Variants in APOLD1 observed in about 807,000 individuals in gnomAD.
The protein encoded by APOLD1 is apolipoprotein L domain-containing protein 1.
APOLD1 carries 22 observed loss-of-function variants against 15.3 expected under a neutral mutation model. The observed-to-expected ratio is 1.44, with a 90% confidence interval of 1.03 to 2.05. APOLD1 has a LOEUF of 2.05. Ranked by LOEUF, APOLD1 falls within the 30% of genes most tolerant of loss-of-function variation. The pLI is 0.00. For synonymous variants in APOLD1, 190 were observed against 167.4 expected, an observed-to-expected ratio of 1.13 and a Z score of -1.04; for missense variants, 394 against 353.5, an observed-to-expected ratio of 1.11 and a Z score of -0.92.
At chr12:12,730,026 T>TTGTGTG (rs749843349) in intron 1 of APOLD1, among the ~76,000 whole-genome samples, 2 of 117,738 alleles carry the variant, frequency 1.7e-5, no homozygotes, top group African/African-American at 6.8e-5. Flanking sequence ...CCAGCTAACT[T>TTGTGTG]TGTGTGTGTG....
chr12:12,735,215 A>T (rs566334364), intron 1 of APOLD1, among the ~76,000 whole-genome samples: 1 of 151,956 alleles, frequency 6.6e-6, no homozygotes, highest in East Asian at 1.9e-4. Context: ...ACAGAACAAG[A>T]CCCCATCTCT....
chr12:12,759,594 C>T (rs1424477098), intron 1 of APOLD1, among the ~76,000 whole-genome samples: 1 of 152,214 alleles, frequency 6.6e-6, no homozygotes, highest in Non-Finnish European at 1.5e-5. Flanking sequence ...ATTTATCGCA[C>T]TTCCTACAAG....
intron 1 of APOLD1, among the ~76,000 whole-genome samples, chr12:12,754,961 C>T (rs1245690106): frequency 1.3e-5 from 2 of 151,462 alleles, no homozygotes; most frequent in African/African-American, 2.4e-5. Flanking sequence ...GTGGGAGGAT[C>T]GTTTGAGCCC....
At chr12:12,726,981 A>C (rs1946598742) in intron 1 of APOLD1, among the ~76,000 whole-genome samples, 1 of 152,256 alleles carries the variant, frequency 6.6e-6, no homozygotes. Flanking sequence ...TGAGTCAAGC[A>C]CTAGTCTTGG....
Position 12,761,830 on chromosome 12 carries a change from TAGAGAG to T in APOLD1, c.97-25052_97-25047del, listed in dbSNP as rs6144616. On this transcript the variant is annotated intron_variant, in intron 1 of 1. Transcript: ENST00000326765. Reference sequence around the variant, plus strand: ...GAACATATACATATATGTATATGTATAGAGAGAGAGAGAGAGAGAGAGAGAGAGAGA... The same window carrying T: ...GAACATATACATATATGTATATGTATAGAGAGAGAGAGAGAGAGAGAGAGA... 6.2e-3 allele frequency among the ~76,000 whole-genome samples: 715 copies of T among 114,488 alleles called. 14 individuals carry two copies. The highest frequency in any genetic ancestry group is 0.022 in the African/African-American group (673 of 30,012). The allele number at this position is 114,488 out of a possible 152,430, so 75.1% of individuals were successfully genotyped here.
chr12:12,752,899 G>A (rs1469018324), intron 1 of APOLD1, among the ~76,000 whole-genome samples: 1 of 152,142 alleles, frequency 6.6e-6, no homozygotes, highest in Non-Finnish European at 1.5e-5. Context: ...TTCTCTATCT[G>A]TTTAGCCAGG....
chr12:12,774,568 A>G (rs1947015531), intron 1 of APOLD1, among the ~76,000 whole-genome samples: 1 of 141,684 alleles, frequency 7.1e-6, no homozygotes, highest in Admixed American at 6.9e-5. Flanking sequence ...AAAAAAAAAA[A>G]AAAAAAGAAA....
At chr12:12,730,065 TGTGTGTGTGTGTGAGAGAGA>T (rs1471780786) in intron 1 of APOLD1, among the ~76,000 whole-genome samples, 19 of 87,216 alleles carry the variant, frequency 2.2e-4, no homozygotes, top group African/African-American at 7.3e-4. Flanking sequence ...TGTGTGTGTG[TGTGTGTGTGTGTGAGAGAGA>T]GAGAGAGAGA....
intron 1 of APOLD1, among the ~76,000 whole-genome samples, chr12:12,754,214 G>GAAAAAAAA (rs1437482140): frequency 1.9e-5 from 1 of 53,144 alleles, no homozygotes. Context: ...AAAAAAAAAG[G>GAAAAAAAA]AAAAAGAAAA....
intron 1 of APOLD1, among the ~76,000 whole-genome samples, chr12:12,738,596 T>C (rs1489676632): frequency 6.6e-6 from 1 of 152,186 alleles, no homozygotes; most frequent in Admixed American, 6.5e-5. Context: ...TATGGTGCAC[T>C]GGGTATACTG....
upstream of APOLD1, among the ~76,000 whole-genome samples, chr12:12,781,526 CTTT>C (rs774609531): frequency 2.2e-5 from 3 of 138,826 alleles, no homozygotes; most frequent in African/African-American, 5.3e-5. Flanking sequence ...ATCACTTTAT[CTTT>C]TTTTTTTTTT....
At chr12:12,750,863 C>T (rs1946807987) in intron 1 of APOLD1, among the ~76,000 whole-genome samples, 1 of 152,020 alleles carries the variant, frequency 6.6e-6, no homozygotes. Context: ...CAGCCTTGAC[C>T]TCCTGGGCTG....
Position 12,787,022 on chromosome 12 carries a change from C to T in APOLD1, c.117C>T (p.Arg39=). Reference sequence around the variant, plus strand: ...TGCACGGCCAGGTGCTGCGCCTGCGCGAGGTGGCCCGGCGCCTGGAGCGCC... The same window carrying T: ...TGCACGGCCAGGTGCTGCGCCTGCGTGAGGTGGCCCGGCGCCTGGAGCGCC... ...GRLHGQVLRL[R]EVARRLERLR... The change falls in exon 2 of 2, where the codon CGC becomes CGT. Residue 39 remains arginine (R), a synonymous_variant. Transcript: ENST00000356591. The surrounding 1 kb of genome is among the most constrained non-coding windows in gnomAD (Gnocchi z 4.9). The T allele has an allele frequency of 7.2e-7, 1 of 1,382,176 alleles. No individual in the cohort carries two copies. The highest frequency in any genetic ancestry group is 9.3e-7 in the Non-Finnish European group (1 of 1,079,402). 85.6% of individuals were successfully genotyped at this position (1,382,176 alleles called of 1,614,324 possible).
chr12:12,779,768 T>G (rs1056440732), intron 1 of APOLD1, among the ~76,000 whole-genome samples: 2 of 152,168 alleles, frequency 1.3e-5, no homozygotes, highest in Admixed American at 6.5e-5. Flanking sequence ...TATGTCAACA[T>G]AGACAAGTGT....
upstream of APOLD1, among the ~76,000 whole-genome samples, chr12:12,781,135 T>C (rs910219410): frequency 5.3e-5 from 8 of 152,214 alleles, no homozygotes; most frequent in African/African-American, 9.6e-5. Flanking sequence ...TTATAGAATT[T>C]CTTCATTTTT....
chr12:12,758,089 T>C (rs1440726050), intron 1 of APOLD1, among the ~76,000 whole-genome samples: 1 of 136,682 alleles, frequency 7.3e-6, no homozygotes, highest in Non-Finnish European at 1.5e-5. Context: ...CCGTGATGCC[T>C]GGCTTTTTTT....
In APOLD1 at chr12:12,775,590, T is replaced by C. The variant is rs530411583; in HGVS notation, c.97-11319T>C. 2.2e-3 allele frequency among the ~76,000 whole-genome samples: 340 copies of C among 152,282 alleles called. 1 individual carries two copies. The highest frequency in any genetic ancestry group is 4.1e-3 in the Non-Finnish European group (278 of 68,018). On this transcript the variant is annotated intron_variant, in intron 1 of 1. Coordinates refer to the APOLD1 transcript ENST00000326765. Reference sequence around the variant, plus strand: ...CTCAATTTTGTTGCAAATCTAAAACTGCTCTAAAAAATAGTCTAACAAAGC... The same window carrying C: ...CTCAATTTTGTTGCAAATCTAAAACCGCTCTAAAAAATAGTCTAACAAAGC...
At chr12:12,734,278 C>T (rs986078637) in intron 1 of APOLD1, among the ~76,000 whole-genome samples, 7 of 152,226 alleles carry the variant, frequency 4.6e-5, no homozygotes, top group Non-Finnish European at 1.0e-4. Flanking sequence ...GCACTTGGCA[C>T]ACTCAGGGAA....
upstream of APOLD1, among the ~76,000 whole-genome samples, chr12:12,780,698 C>G (rs1947072903): frequency 1.1e-5 from 1 of 94,426 alleles, no homozygotes; most frequent in African/African-American, 3.2e-5. Flanking sequence ...AAGCGATCCT[C>G]CCACCTCCAC....
Sources: gnomAD v4.1 joint callset for allele counts (sites outside exome capture counted in the v4.1 genomes callset) on GRCh38, gnomAD v4.1.1 for gene constraint, Gnocchi (gnomAD v3.1) non-coding constraint, MANE v1.5 for transcripts, NCBI Gene and HGNC (gene_info 2026-07-23, HGNC 2026-07-21) for gene names.